DCDC2: variants seen among roughly 807,000 people sequenced by gnomAD.
DCDC2 encodes the protein doublecortin domain-containing protein 2.
A neutral mutation model predicts 50.2 loss-of-function variants in DCDC2; 40 were observed. The observed-to-expected ratio is 0.80, with a 90% confidence interval of 0.62 to 1.04. The LOEUF (loss-of-function observed/expected upper bound fraction) is 1.04, where lower values mean the gene tolerates loss of function less well. Ranked by LOEUF, DCDC2 falls within the 50% of genes least tolerant of loss-of-function variation. The pLI is 0.00. For missense variants in DCDC2, 570 were observed against 581.9 expected (o/e 0.98, Z 0.21); for synonymous variants, 234 against 210.6 (o/e 1.11, Z -0.96).
chr6:24,378,517 C>G, the DCDC2 span, among the ~76,000 whole-genome samples: 1 of 152,114 alleles, frequency 6.6e-6, no homozygotes, highest in African/African-American at 2.4e-5. Context: ...ATGATATATA[C>G]TTCAGAGCTC....
At chr6:24,292,829 TCCAC>T (rs1167745194) in intron 4 of DCDC2, among the ~76,000 whole-genome samples, 2 of 152,212 alleles carry the variant, frequency 1.3e-5, no homozygotes, top group Admixed American at 1.3e-4. Flanking sequence ...ACCTTTGGCC[TCCAC>T]CCACTAAACA....
At chr6:24,374,023 G>T in the DCDC2 span, among the ~76,000 whole-genome samples, 2 of 151,938 alleles carry the variant, frequency 1.3e-5, 1 homozygote. Context: ...TTAGCCGGGC[G>T]TGGTGGCGGG....
At chr6:24,328,046 T>C (rs1187923535) in intron 2 of DCDC2, among the ~76,000 whole-genome samples, 1 of 152,216 alleles carries the variant, frequency 6.6e-6, no homozygotes, top group African/African-American at 2.4e-5. Context: ...CTAAGTGAAG[T>C]AGAAATTCTC....
At position 24,244,507 on chromosome 6, in the gene DCDC2, G is replaced by A. The variant is rs766809264; in HGVS notation, c.922+33542C>T. Among the ~76,000 whole-genome samples, 310 of 152,312 alleles carry A rather than the reference G, an allele frequency of 2.0e-3. 11 individuals are homozygous for A. The highest frequency in any genetic ancestry group is 1.8e-4 in the Non-Finnish European group (12 of 68,020). ...ACTCTCCTTCATTTGATCTGGCTGGGTAAATGTCACGGTGTTCAGTGAGAA... is the reference window on the plus strand; with the variant it reads ...ACTCTCCTTCATTTGATCTGGCTGGATAAATGTCACGGTGTTCAGTGAGAA... On this transcript the variant is annotated intron_variant, in intron 7 of 9. Transcript: ENST00000378454.
intron 2 of DCDC2, among the ~76,000 whole-genome samples, chr6:24,302,517 C>A (rs571958542): frequency 6.6e-6 from 1 of 152,180 alleles, no homozygotes; most frequent in South Asian, 2.1e-4. Context: ...ACCCTTTTCT[C>A]TTAAGACTGA....
intron 7 of DCDC2, among the ~76,000 whole-genome samples, chr6:24,239,182 A>G (rs1358216792): frequency 6.6e-6 from 1 of 152,200 alleles, no homozygotes; most frequent in East Asian, 1.9e-4. Flanking sequence ...GTAACACATT[A>G]TCAGAGTATG....
At chr6:24,371,276 CAAAAAAA>C in the DCDC2 span, among the ~76,000 whole-genome samples, 1 of 102,054 alleles carries the variant, frequency 9.8e-6, no homozygotes, top group African/African-American at 3.5e-5. Context: ...CACTCCATCT[CAAAAAAA>C]AAAAAAAAAA....
chr6:24,252,643 G>C (rs1396282813), intron 7 of DCDC2, among the ~76,000 whole-genome samples: 1 of 152,164 alleles, frequency 6.6e-6, no homozygotes, highest in African/African-American at 2.4e-5. Flanking sequence ...GAATGGTGAG[G>C]GGAGGATGAG....
chr6:24,253,360 C>T (rs747482434), intron 7 of DCDC2, among the ~76,000 whole-genome samples: 4 of 152,118 alleles, frequency 2.6e-5, no homozygotes, highest in African/African-American at 9.7e-5. Context: ...TACCTTTACA[C>T]AAATAAATTT....
the DCDC2 span, among the ~76,000 whole-genome samples, chr6:24,373,810 A>G: frequency 6.6e-6 from 1 of 152,220 alleles, no homozygotes; most frequent in Non-Finnish European, 1.5e-5. Context: ...TTCTTCAAAA[A>G]GAAGATGAAT....
At chr6:24,216,484 C>T (rs1761978893) in intron 7 of DCDC2, among the ~76,000 whole-genome samples, 1 of 152,094 alleles carries the variant, frequency 6.6e-6, no homozygotes, top group East Asian at 1.9e-4. Flanking sequence ...TCAGATTACA[C>T]GGGGTTGTGG....
At chr6:24,291,689 T>C (rs1344429193) in intron 4 of DCDC2, among the ~76,000 whole-genome samples, 2 of 151,630 alleles carry the variant, frequency 1.3e-5, no homozygotes, top group Non-Finnish European at 2.9e-5. Flanking sequence ...GTTTCACCGT[T>C]TTAGCCGGGA....
At chr6:24,266,957 A>C (rs1441094498) in intron 7 of DCDC2, among the ~76,000 whole-genome samples, 1 of 152,208 alleles carries the variant, frequency 6.6e-6, no homozygotes, top group Non-Finnish European at 1.5e-5. Context: ...AGACACACCC[A>C]GAGTATTATC....
At position 24,288,901 on chromosome 6, in the gene DCDC2, T is replaced by G. The variant is rs775009498; in HGVS notation, c.710A>C (p.Lys237Thr). 1 of 1,599,028 alleles carries G rather than the reference T, an allele frequency of 6.3e-7. No individual in the cohort carries two copies. The highest frequency in any genetic ancestry group is 1.1e-5 in the South Asian group (1 of 87,784). The change falls in exon 6 of 10, where the codon AAA (lysine) becomes ACA (threonine). Residue 237 changes from lysine to threonine, a missense_variant. Coordinates refer to ENST00000378454, the MANE Select transcript of DCDC2 (RefSeq NM_016356.5). ...TACAATAGGAGGTAGTGAAGAAGCT[T>G]TCTGACTGTGGAAACAAATTGCAAT... ...KSTMRRPFGQ[K>T]ASSLPPIVGS...
At chr6:24,214,075 C>A (rs1308786048) in intron 7 of DCDC2, among the ~76,000 whole-genome samples, 1 of 152,152 alleles carries the variant, frequency 6.6e-6, no homozygotes, top group African/African-American at 2.4e-5. Context: ...TTTTCTCTGG[C>A]AATTTTTAAT....
intron 4 of DCDC2, among the ~76,000 whole-genome samples, chr6:24,295,949 A>G (rs1091045): frequency 0.25 from 37,803 of 152,118 alleles, 5,241 homozygotes; most frequent in African/African-American, 0.39. Flanking sequence ...TACCATTAAC[A>G]TTCTTCACAG....
chr6:24,199,836 A>G (rs1055567784), intron 8 of DCDC2, among the ~76,000 whole-genome samples: 2 of 152,202 alleles, frequency 1.3e-5, no homozygotes, highest in Non-Finnish European at 2.9e-5. Flanking sequence ...GATGGAGCTG[A>G]AAAACACAGC....
the DCDC2 span, among the ~76,000 whole-genome samples, chr6:24,372,219 AG>A: frequency 1.3e-5 from 2 of 152,174 alleles, no homozygotes; most frequent in Admixed American, 1.3e-4. Flanking sequence ...CAGGAGATTG[AG>A]ACCATCCTGG....
At chr6:24,202,521 A>G (rs1231700507) in intron 8 of DCDC2, among the ~76,000 whole-genome samples, 5 of 152,340 alleles carry the variant, frequency 3.3e-5, no homozygotes, top group South Asian at 2.1e-4. Flanking sequence ...CCCACAGCCA[A>G]TATCATACTG....
Sources: gnomAD v4.1 joint callset for allele counts (sites outside exome capture counted in the v4.1 genomes callset) on GRCh38, gnomAD v4.1.1 for gene constraint, MANE v1.5 for transcripts, NCBI Gene and HGNC (gene_info 2026-07-23, HGNC 2026-07-21) for gene names.